Variants in GRIK3 observed in about 807,000 individuals in gnomAD.
GRIK3 encodes the protein glutamate receptor ionotropic, kainate 3.
GRIK3 carries 29 observed loss-of-function variants against 102.5 expected under a neutral mutation model. That is an observed-to-expected ratio of 0.28 (90% CI 0.21 to 0.39). GRIK3 has a LOEUF of 0.39. GRIK3 is among the 10% of genes least tolerant of loss of function. The probability of loss-of-function intolerance (pLI) is 1.00; values close to 1 mark genes in which losing one functional copy is unlikely to be tolerated. For missense variants in GRIK3, 908 were observed against 1,252.4 expected (o/e 0.73, Z 4.15); for synonymous variants, 511 against 504.9 (o/e 1.01, Z -0.16).
intron 1 of GRIK3, among the ~76,000 whole-genome samples, chr1:36,915,500 G>A (rs1267191400): frequency 6.6e-6 from 1 of 152,202 alleles, no homozygotes; most frequent in Non-Finnish European, 1.5e-5. Flanking sequence ...AGTGGAAAGT[G>A]GTTTTTAACC....
intron 1 of GRIK3, among the ~76,000 whole-genome samples, chr1:36,893,818 G>A (rs1436168874): frequency 6.6e-6 from 1 of 152,098 alleles, no homozygotes; most frequent in Non-Finnish European, 1.5e-5. Context: ...AAAATTTAAT[G>A]ACACAGGAAA....
chr1:37,017,089 C>A (rs1450918485), intron 1 of GRIK3, among the ~76,000 whole-genome samples: 1 of 151,802 alleles, frequency 6.6e-6, no homozygotes, highest in African/African-American at 2.4e-5. Context: ...ATGGCACACA[C>A]CTGTAGTCCC....
intron 10 of GRIK3, among the ~76,000 whole-genome samples, chr1:36,832,500 G>T (rs1212693209): frequency 6.6e-6 from 1 of 152,142 alleles, no homozygotes; most frequent in Non-Finnish European, 1.5e-5. Context: ...CACCCTGAAG[G>T]GTCCACAAAT....
chr1:37,027,109 T>C (rs542716691), intron 1 of GRIK3, among the ~76,000 whole-genome samples: 1 of 152,062 alleles, frequency 6.6e-6, no homozygotes, highest in East Asian at 1.9e-4. Context: ...TCAATACTGT[T>C]AGTAAACAAG....
At chr1:36,924,956 T>C (rs540126741) in intron 1 of GRIK3, among the ~76,000 whole-genome samples, 1 of 152,172 alleles carries the variant, frequency 6.6e-6, no homozygotes, top group South Asian at 2.1e-4. Context: ...TCATGTGATA[T>C]GTATCAGGCA....
chr1:36,982,265 G>A (rs896476264), intron 1 of GRIK3, among the ~76,000 whole-genome samples: 20 of 152,174 alleles, frequency 1.3e-4, no homozygotes, highest in Non-Finnish European at 1.9e-4. Flanking sequence ...TCAGGGCCCC[G>A]GGCTGGCAGC....
chr1:36,985,308 G>C (rs1030202837), intron 1 of GRIK3, among the ~76,000 whole-genome samples: 4 of 152,072 alleles, frequency 2.6e-5, no homozygotes, highest in African/African-American at 9.7e-5. Flanking sequence ...GGTGGTCCTG[G>C]GTGTCCCTAA....
intron 1 of GRIK3, among the ~76,000 whole-genome samples, chr1:37,028,146 C>G (rs1339379682): frequency 7.9e-5 from 12 of 152,188 alleles, no homozygotes; most frequent in Non-Finnish European, 4.4e-5. Flanking sequence ...ATAACAAAGA[C>G]AGCTAATTCT....
Position 36,800,162 on chromosome 1 carries a change from G to A in GRIK3, c.*1689C>T, listed in dbSNP as rs1642424612. ...GATTGCCCTTCACCCAGATGAGAAA[G>A]CCCTTGAGATCCAAATGAAGCTCTT... On this transcript the variant is annotated 3_prime_UTR_variant, in exon 16 of 16. Coordinates refer to ENST00000373091, the MANE Select transcript of GRIK3 (RefSeq NM_000831.4). 6.6e-6 allele frequency: 1 copy of A among 152,174 alleles called. No homozygotes were observed. The allele number at this position is 152,174 out of a possible 1,614,324, so 9.4% of individuals were successfully genotyped here.
chr1:36,980,263 CA>C (rs1460454509), intron 1 of GRIK3, among the ~76,000 whole-genome samples: 11 of 152,110 alleles, frequency 7.2e-5, no homozygotes, highest in African/African-American at 2.7e-4. Context: ...TAAATCCTCC[CA>C]AAGTCTACAG....
chr1:36,990,760 A>T (rs567564654), intron 1 of GRIK3, among the ~76,000 whole-genome samples: 1 of 152,132 alleles, frequency 6.6e-6, no homozygotes, highest in Non-Finnish European at 1.5e-5. Context: ...GGCAGTTGCA[A>T]ATCGCTGAGC....
chr1:36,938,932 G>A (rs1011894508), intron 1 of GRIK3, among the ~76,000 whole-genome samples: 9 of 152,192 alleles, frequency 5.9e-5, no homozygotes, highest in Non-Finnish European at 1.2e-4. Flanking sequence ...TTGAGAGGCT[G>A]AAGATGATTC....
At chr1:36,953,184 T>TTGCCCCTCCCCCTGCCCC (rs1641865397) in intron 1 of GRIK3, among the ~76,000 whole-genome samples, 1 of 152,314 alleles carries the variant, frequency 6.6e-6, no homozygotes, top group East Asian at 1.9e-4. Flanking sequence ...AGCCCTGTCC[T>TTGCCCCTCCCCCTGCCCC]TGCCCCTCCC....
chr1:36,812,229 G>A (rs1300630897), intron 13 of GRIK3, among the ~76,000 whole-genome samples: 1 of 152,070 alleles, frequency 6.6e-6, no homozygotes, highest in Non-Finnish European at 1.5e-5. Context: ...GCCCAGGTCA[G>A]ATGCTAGGAA....
chr1:36,805,727 G>A (rs556393449), intron 14 of GRIK3, among the ~76,000 whole-genome samples: 34 of 151,904 alleles, frequency 2.2e-4, no homozygotes, highest in African/African-American at 7.5e-4. Context: ...ACGTGAGGTC[G>A]GGAGTTCGAG....
intron 1 of GRIK3, among the ~76,000 whole-genome samples, chr1:37,021,378 G>A (rs1452153700): frequency 2.6e-5 from 4 of 152,024 alleles, no homozygotes; most frequent in African/African-American, 7.2e-5. Context: ...CCATGGGCTC[G>A]GAGACCACCA....
rs1206363898 is a variant in GRIK3, at chr1:36,819,701, C to A, written c.1873+35G>T. On this transcript the variant is annotated intron_variant, in intron 12 of 15. Transcript: ENST00000373091. This position sits in a 1 kb window ranked among gnomAD's most constrained non-coding sequence, Gnocchi z 4.1. ...CTGAAGACCGCTTGGGGAAAGCAGA[C>A]CCTGGAAGGGGAGGCCCTGGGAGAG... The A allele has an allele frequency of 1.8e-6, 2 of 1,108,734 alleles. No homozygotes were observed. Among genetic ancestry groups the A allele is most frequent in the Non-Finnish European group, 2.8e-6 (2 of 718,960 alleles). 68.7% of individuals were successfully genotyped at this position (1,108,734 alleles called of 1,614,324 possible).
intron 1 of GRIK3, among the ~76,000 whole-genome samples, chr1:36,916,616 G>T (rs1252214919): frequency 2.6e-5 from 4 of 152,276 alleles, no homozygotes; most frequent in African/African-American, 7.2e-5. Context: ...GTGACTAAAA[G>T]GGGACAAGTT....
chr1:37,011,636 T>C (rs1642597314), intron 1 of GRIK3, among the ~76,000 whole-genome samples: 1 of 152,192 alleles, frequency 6.6e-6, no homozygotes, highest in Non-Finnish European at 1.5e-5. Context: ...GTGTGAAGTC[T>C]AAGGGGGTAA....
Sources: gnomAD v4.1 joint callset for allele counts (sites outside exome capture counted in the v4.1 genomes callset) on GRCh38, gnomAD v4.1.1 for gene constraint, Gnocchi (gnomAD v3.1) non-coding constraint, MANE v1.5 for transcripts, NCBI Gene and HGNC (gene_info 2026-07-23, HGNC 2026-07-21) for gene names.